SPIRE1: variants seen among roughly 807,000 people sequenced by gnomAD.
SPIRE1 encodes protein spire homolog 1.
SPIRE1 carries 40 observed loss-of-function variants against 94.1 expected under a neutral mutation model. The observed-to-expected ratio is 0.43, with a 90% CI of 0.33 to 0.55. The LOEUF (loss-of-function observed/expected upper bound fraction) is 0.55. SPIRE1 is among the 20% of genes least tolerant of loss of function. The pLI, the probability that SPIRE1 is intolerant of heterozygous loss-of-function variation, is 0.06. For synonymous variants in SPIRE1, 376 were observed against 371.7 expected (o/e 1.01, Z -0.13); for missense variants, 838 against 975.2 (o/e 0.86, Z 1.87).
intron 2 of SPIRE1, among the ~76,000 whole-genome samples, chr18:12,566,017 T>TACAA (rs918240267): frequency 8.1e-5 from 11 of 136,598 alleles, no homozygotes; most frequent in Admixed American, 1.5e-4. Context: ...TGGGCGACAA[T>TACAA]ACAAACAAAC....
upstream of SPIRE1, among the ~76,000 whole-genome samples, chr18:12,661,644 GC>G (rs2144935650): frequency 6.7e-6 from 1 of 150,336 alleles, no homozygotes; most frequent in African/African-American, 2.4e-5. Context: ...GCATGGTGAT[GC>G]ATGCCTGTAA....
chr18:12,581,261 A>G (rs1308164278), intron 2 of SPIRE1, among the ~76,000 whole-genome samples: 1 of 152,198 alleles, frequency 6.6e-6, no homozygotes, highest in East Asian at 1.9e-4. Flanking sequence ...AGTCATTTCC[A>G]CAGAAAGTTC....
intron 7 of SPIRE1, among the ~76,000 whole-genome samples, chr18:12,494,805 C>G (rs1598410836): frequency 7.3e-6 from 1 of 137,414 alleles, no homozygotes; most frequent in Non-Finnish European, 1.5e-5. Context: ...CGCCACTGCA[C>G]TCCAGCCTGG....
chr18:12,657,465 AG>A, intron 1 of SPIRE1, 64 bp downstream of exon 1: 1 of 1,172,640 alleles, frequency 8.5e-7, no homozygotes, highest in Non-Finnish European at 1.1e-6. Flanking sequence ...GGGGACGCTG[AG>A]GGTAAGGCGG....
At chr18:12,498,843 G>C (rs1309337811) in intron 6 of SPIRE1, among the ~76,000 whole-genome samples, 9 of 152,150 alleles carry the variant, frequency 5.9e-5, no homozygotes, top group Non-Finnish European at 1.2e-4. Context: ...GGCTGGTCTT[G>C]AATGTTCAGA....
At chr18:12,544,922 G>C (rs1224907412) in intron 3 of SPIRE1, among the ~76,000 whole-genome samples, 1 of 152,106 alleles carries the variant, frequency 6.6e-6, no homozygotes, top group Non-Finnish European at 1.5e-5. Context: ...TGATTTTATG[G>C]ATCTAGTTGG....
intron 1 of SPIRE1, among the ~76,000 whole-genome samples, chr18:12,655,061 A>G (rs530988492): frequency 6.6e-6 from 1 of 151,834 alleles, no homozygotes; most frequent in East Asian, 1.9e-4. Flanking sequence ...GAAAAGAAAA[A>G]GAAAAGAGAG....
In SPIRE1 at chr18:12,657,920, G is replaced by C; in HGVS notation, c.-54C>G. ...CGCGCCGTGTGCCGGCGTCTCCTCA[G>C]CTCCGGAGCATCGTCGTCGCGCGCC... On this transcript the variant is annotated 5_prime_UTR_variant, in exon 1 of 17. Transcript: ENST00000409402. 9.8e-7 allele frequency: 1 copy of C among 1,022,460 alleles called. No homozygotes were observed. The highest frequency in any genetic ancestry group is 1.2e-6 in the Non-Finnish European group (1 of 856,462). 63.3% of individuals were successfully genotyped at this position (1,022,460 alleles called of 1,614,324 possible).
intron 10 of SPIRE1, among the ~76,000 whole-genome samples, chr18:12,472,182 G>T (rs925327753): frequency 6.6e-6 from 1 of 152,114 alleles, no homozygotes; most frequent in Non-Finnish European, 1.5e-5. Context: ...GCTGGGCATG[G>T]TGGCTCATGC....
intron 2 of SPIRE1, among the ~76,000 whole-genome samples, chr18:12,585,814 T>C (rs1336520998): frequency 6.6e-6 from 1 of 152,246 alleles, no homozygotes; most frequent in Non-Finnish European, 1.5e-5. Context: ...TATACATATA[T>C]ATTTTTCTAG....
chr18:12,623,035 T>C (rs1016696308), intron 2 of SPIRE1, among the ~76,000 whole-genome samples: 10 of 152,254 alleles, frequency 6.6e-5, no homozygotes, highest in Non-Finnish European at 1.5e-5. Context: ...TATTGTTATG[T>C]ACCTAAGGGA....
chr18:12,545,150 A>T (rs961075117), intron 3 of SPIRE1, among the ~76,000 whole-genome samples: 1 of 152,230 alleles, frequency 6.6e-6, no homozygotes, highest in Non-Finnish European at 1.5e-5. Context: ...ATTGGCCTTT[A>T]AGTGTGTTTA....
intron 2 of SPIRE1, among the ~76,000 whole-genome samples, chr18:12,619,848 G>GAAAAAAAA (rs35340668): frequency 9.0e-6 from 1 of 111,008 alleles, no homozygotes; most frequent in Admixed American, 1.0e-4. Context: ...TCTGCCTCAG[G>GAAAAAAAA]AAAAAAAAAA....
chr18:12,495,962 T>C lies in SPIRE1; in HGVS notation c.1059+54A>G. 3.6e-6 allele frequency: 5 copies of C among 1,370,272 alleles called. No homozygotes were observed. The Admixed American group carries it at 6.7e-5, about 18-fold the overall frequency. The allele number at this position is 1,370,272 out of a possible 1,614,324, so 84.9% of individuals were successfully genotyped here. ...GAGTTCTAGAGATGACACCCTAGAG[T>C]AGAATAATTCATTATGATATCTCCA... On this transcript the variant is annotated intron_variant, in intron 7 of 16. Transcript: ENST00000409402.
chr18:12,471,144 A>G (rs2032344024), intron 10 of SPIRE1, among the ~76,000 whole-genome samples: 1 of 151,940 alleles, frequency 6.6e-6, no homozygotes, highest in Admixed American at 6.6e-5. Context: ...TAGGCTAGCA[A>G]AGGTTATTAA....
chr18:12,453,001 G>A, intron 14 of SPIRE1, 67 bp downstream of exon 14: 2 of 978,920 alleles, frequency 2.0e-6, no homozygotes, highest in South Asian at 3.3e-5. Flanking sequence ...GGTGAAATAA[G>A]GAAGATAATT....
Position 12,493,129 on chromosome 18 carries a change from T to C in SPIRE1, c.1132A>G (p.Lys378Glu), listed in dbSNP as rs1399739601. ...SLHERILEEI[K>E]AERKLRPVSP... ...ACAGGCCGCAGCTTTCTTTCTGCTT[T>C]AATTTCTTCTAATATTCTTTCATGG... Residue 378 changes from lysine (K) to glutamate (E), a missense_variant, in exon 8 of 17, where the codon AAA (lysine) becomes GAA (glutamate). By Grantham distance (56) the Lys-to-Glu change is moderately conservative (BLOSUM62 1). This residue lies in a region of SPIRE1 where 645 missense variants were observed against 804.7 expected (regional missense o/e 0.80). Coordinates refer to ENST00000409402, the MANE Select transcript of SPIRE1 (RefSeq NM_001128626.2). The C allele has an allele frequency of 8.7e-6, 14 of 1,613,840 alleles. No individual in the cohort carries two copies. Among genetic ancestry groups the C allele is most frequent in the Non-Finnish European group, 1.2e-5 (14 of 1,179,978 alleles).
intron 14 of SPIRE1, 49 bp downstream of exon 14, chr18:12,453,019 C>T (rs1450992409): frequency 8.1e-7 from 1 of 1,227,054 alleles, no homozygotes; most frequent in East Asian, 2.4e-5. Context: ...ATTGGTATTT[C>T]TCTTACGACT....
chr18:12,579,629 A>G (rs563105761), intron 2 of SPIRE1, among the ~76,000 whole-genome samples: 2 of 152,346 alleles, frequency 1.3e-5, no homozygotes, highest in South Asian at 4.2e-4. Context: ...GGTGAATGTT[A>G]TATGTATTTT....
Sources: allele counts gnomAD v4.1 joint callset (sites outside exome capture counted in the v4.1 genomes callset), GRCh38; gene constraint gnomAD v4.1.1; regional missense constraint gnomAD v4.1.1; transcripts MANE v1.5; gene names NCBI Gene and HGNC (gene_info 2026-07-23, HGNC 2026-07-21).